The following GCN1 variants were observed in gnomAD, a reference collection of about 807,000 sequenced individuals.
GCN1 encodes GCN1 activator of EIF2AK4.
A neutral mutation model predicts 288.4 loss-of-function variants in GCN1; 90 were observed. That is an observed-to-expected ratio of 0.31 (90% confidence interval 0.26 to 0.37). The LOEUF is 0.37. Ranked by LOEUF, GCN1 falls within the 10% of genes least tolerant of loss-of-function variation. The pLI, the probability that GCN1 is intolerant of heterozygous loss-of-function variation, is 1.00. For synonymous variants in GCN1, 1,386 were observed against 1,420.2 expected, an observed-to-expected ratio of 0.98 and a Z score of 0.54; for missense variants, 2,586 against 3,419.9, an observed-to-expected ratio of 0.76 and a Z score of 6.08.
chr12:120,148,116 C>T, intron 37 of GCN1, 51 bp downstream of exon 37: 2 of 1,379,840 alleles, frequency 1.4e-6, no homozygotes, highest in Non-Finnish European at 2.0e-6. Flanking sequence ...TGTCCAAAGG[C>T]TGCGGCGTTG....
chr12:120,134,735 G>A lies in GCN1; in HGVS notation c.7009-9C>T, dbSNP rs754311283. Reference sequence around the variant, plus strand: ...TTCAGGGCAATCCCAACCTGTGGGAGGAACCCACATCCATGAAAGACAGTT... The same window carrying A: ...TTCAGGGCAATCCCAACCTGTGGGAAGAACCCACATCCATGAAAGACAGTT... On this transcript the variant is annotated splice_polypyrimidine_tract_variant and intron_variant, in intron 51 of 57. Coordinates refer to ENST00000300648, the MANE Select transcript of GCN1 (RefSeq NM_006836.2). This position sits in a 1 kb window ranked among gnomAD's most constrained non-coding sequence, Gnocchi z 5.0. 1.9e-6 allele frequency: 3 copies of A among 1,610,206 alleles called. No individual in the cohort carries two copies. The highest frequency in any genetic ancestry group is 2.2e-5 in the South Asian group (2 of 90,954).
chr12:120,166,896 C>A (rs1840169852), intron 16 of GCN1, among the ~76,000 whole-genome samples: 1 of 151,610 alleles, frequency 6.6e-6, no homozygotes. Flanking sequence ...CACCTGTAGT[C>A]CCAGCTACTC....
Position 120,134,112 on chromosome 12 carries a change from G to GC in GCN1, c.7317+178dup, listed in dbSNP as rs967028249. 6.6e-6 allele frequency among the ~76,000 whole-genome samples: 1 copy of GC among 152,130 alleles called. No homozygotes were observed. ...AATAACCAATATATCCACAATACCT[G>GC]CCCCGTTTCCCTTGAAACCCGAGGA... is the stretch of plus-strand genomic sequence containing the variant. On this transcript the variant is annotated intron_variant, in intron 53 of 57. Transcript: ENST00000300648. This position sits in a 1 kb window ranked among gnomAD's most constrained non-coding sequence, Gnocchi z 5.0.
chr12:120,176,511 G>A (rs1055653062), intron 9 of GCN1, among the ~76,000 whole-genome samples: 2 of 152,206 alleles, frequency 1.3e-5, no homozygotes, highest in Non-Finnish European at 2.9e-5. Flanking sequence ...AGTCCAGAAT[G>A]TCTACAGAGG....
chr12:120,138,009 A>T lies in GCN1; in HGVS notation c.6285T>A (p.Ala2095=). The part of the protein sequence containing the change: ...TTPPVNTRVL[A]FLSSVAGDAL... ...CATCACCAGCCACTGACGAAAGGAAAGCCAGCACCCGGGTGTTGACAGGTG... is the reference window on the plus strand; with the variant it reads ...CATCACCAGCCACTGACGAAAGGAATGCCAGCACCCGGGTGTTGACAGGTG... The change falls in exon 48 of 58, where the codon GCT becomes GCA. Residue 2095 remains alanine, a synonymous_variant. Transcript: ENST00000300648. The T allele has an allele frequency of 1.1e-5, 17 of 1,614,042 alleles. No individual in the cohort carries two copies. Among genetic ancestry groups the T allele is most frequent in the Non-Finnish European group, 1.4e-5 (16 of 1,179,972 alleles).
rs1274185385 is a variant in GCN1 at position 120,183,609 on chromosome 12, G to A, written c.386C>T (p.Pro129Leu). The A allele has an allele frequency of 6.2e-7, 1 of 1,613,460 alleles. No homozygotes were observed. Among genetic ancestry groups the A allele is most frequent in the Non-Finnish European group, 8.5e-7 (1 of 1,179,482 alleles). Reference protein sequence around the residue: ...WTCLLVRIVFPSRAKRQGDIW... With the variant: ...WTCLLVRIVFLSRAKRQGDIW... ...GTCTCCTTGTCGCTTGGCTCTCGAT[G>A]GAAAGACAATGCGCACCAGGAGGCA... Residue 129 changes from proline to leucine, a missense_variant, in exon 5 of 58, where the codon CCA becomes CTA. Physicochemically the swap from Pro to Leu is moderately conservative, Grantham distance 98. Coordinates refer to ENST00000300648, the MANE Select transcript of GCN1 (RefSeq NM_006836.2).
chr12:120,145,344 G>T lies in GCN1; in HGVS notation c.4948-14C>A. On this transcript the variant is annotated splice_polypyrimidine_tract_variant and intron_variant, in intron 38 of 57. Transcript: ENST00000300648. ...CGGAGCCAAGTCCTGCAACAACACA[G>T]GAGGCGGCTCAGGTGAGGCCCGACT... 1 of 1,560,022 alleles carries T rather than the reference G, an allele frequency of 6.4e-7. No individual in the cohort carries two copies.
In GCN1 at chr12:120,181,685, C is replaced by T. The variant is rs906941543; in HGVS notation, c.426+1884G>A. Among the ~76,000 whole-genome samples the T allele has an allele frequency of 1.1e-4, 16 of 150,928 alleles. No homozygotes were observed. In the South Asian group the frequency reaches 1.3e-3, roughly 12 times the overall value. On this transcript the variant is annotated intron_variant, in intron 5 of 57. Coordinates refer to ENST00000300648, the MANE Select transcript of GCN1 (RefSeq NM_006836.2). ...AGAAACCCCGTCTCTAGTAAAAATACAAAACTAGTCGGGCATGGTGGCACA... is the reference window on the plus strand; with the variant it reads ...AGAAACCCCGTCTCTAGTAAAAATATAAAACTAGTCGGGCATGGTGGCACA...
chr12:120,154,702 A>C (rs925702850), intron 31 of GCN1, among the ~76,000 whole-genome samples: 1 of 152,242 alleles, frequency 6.6e-6, no homozygotes, highest in African/African-American at 2.4e-5. Flanking sequence ...TAATTGATTT[A>C]ACTTTAGCCA....
At chr12:120,163,550 A>G (rs1175733395) in intron 18 of GCN1, among the ~76,000 whole-genome samples, 3 of 152,184 alleles carry the variant, frequency 2.0e-5, no homozygotes, top group African/African-American at 4.8e-5. Context: ...ACTGGCCCAC[A>G]TTCCTCAACA....
Position 120,138,034 on chromosome 12 carries a change from G to A in GCN1, c.6260C>T (p.Pro2087Leu). The change falls in exon 48 of 58, where the codon CCA becomes CTA. Residue 2087 changes from proline (P) to leucine (L), a missense_variant. Around this residue, in one of 8 missense-constraint regions of GCN1, gnomAD observed 437 missense variants for 570.5 expected, o/e 0.77. Coordinates refer to ENST00000300648, the MANE Select transcript of GCN1 (RefSeq NM_006836.2). ...LPYLVPKLTT[P>L]PVNTRVLAFL... ...AGCCAGCACCCGGGTGTTGACAGGT[G>A]GCGTTGTCAGCTGGTGGAATGACAA... The A allele has an allele frequency of 6.2e-7, 1 of 1,612,844 alleles. No individual in the cohort carries two copies. The highest frequency in any genetic ancestry group is 8.5e-7 in the Non-Finnish European group (1 of 1,179,438).
intron 20 of GCN1, among the ~76,000 whole-genome samples, chr12:120,162,453 A>G (rs892861204): frequency 6.6e-6 from 1 of 152,220 alleles, no homozygotes; most frequent in Admixed American, 6.5e-5. Flanking sequence ...TATGCAAGCT[A>G]TTCCCCTAGG....
Position 120,177,474 on chromosome 12 carries a change from G to A in GCN1, c.811C>T (p.Leu271=). The part of the protein sequence containing the change: ...LILPTIQKSL[L]RSPENVIETI... ...TCAATAACATTCTCTGGACTCCTCA[G>A]TAAGGACTTCTGTATGGTGGGCAGT... is the stretch of plus-strand genomic sequence containing the variant. The change falls in exon 9 of 58, where the codon CTG becomes TTG. Residue 271 remains leucine (L), a synonymous_variant. Transcript: ENST00000300648. 1 of 1,601,342 alleles carries A rather than the reference G, an allele frequency of 6.2e-7. No individual in the cohort carries two copies. The highest frequency in any genetic ancestry group is 1.1e-5 in the South Asian group (1 of 90,830).
intron 53 of GCN1, among the ~76,000 whole-genome samples, chr12:120,132,515 C>A (rs1338724856): frequency 4.6e-5 from 7 of 152,088 alleles, no homozygotes; most frequent in African/African-American, 1.7e-4. Flanking sequence ...CAGAATGACT[C>A]CTGCTATCTC....
intron 53 of GCN1, among the ~76,000 whole-genome samples, chr12:120,132,458 G>T (rs1315210149): frequency 1.3e-5 from 2 of 152,162 alleles, no homozygotes; most frequent in African/African-American, 2.4e-5. Flanking sequence ...GCTAGAGACG[G>T]CCACTCTGAG....
chr12:120,137,638 C>G lies in GCN1; in HGVS notation c.6570G>C (p.Leu2190=), dbSNP rs770293477. The G allele has an allele frequency of 6.2e-7, 1 of 1,614,122 alleles. No homozygotes were observed. Among genetic ancestry groups the G allele is most frequent in the Admixed American group, 1.7e-5 (1 of 60,016 alleles). The part of the protein sequence containing the change: ...SRSKADYTSH[L]RSLVSGLIRL... Reference sequence around the variant, plus strand: ...GGATCAGGCCCGAGACCAGGCTCCGCAGGTGGCTGGTGTAGTCAGCCTTTG... The same window carrying G: ...GGATCAGGCCCGAGACCAGGCTCCGGAGGTGGCTGGTGTAGTCAGCCTTTG... The change falls in exon 49 of 58, where the codon CTG becomes CTC. Residue 2190 remains leucine (L), a synonymous_variant. Transcript: ENST00000300648. This position sits in a 1 kb window ranked among gnomAD's most constrained non-coding sequence, Gnocchi z 5.2.
At chr12:120,178,826 C>T (rs1167670827) in intron 6 of GCN1, 26 bp downstream of exon 6, 2 of 1,612,704 alleles carry the variant, frequency 1.2e-6, no homozygotes, top group Non-Finnish European at 8.5e-7. Context: ...AGAAGCAATG[C>T]CCACCAGCCC....
At chr12:120,182,465 A>G (rs1331811667) in intron 5 of GCN1, among the ~76,000 whole-genome samples, 1 of 152,218 alleles carries the variant, frequency 6.6e-6, no homozygotes, top group Admixed American at 6.5e-5. Flanking sequence ...AAGGCCGGTC[A>G]TCACTGGCAC....
Position 120,156,460 on chromosome 12 carries a change from C to T in GCN1, c.3312+1G>A. On this transcript the variant is annotated splice_donor_variant, in intron 28 of 57. Coordinates refer to ENST00000300648, the MANE Select transcript of GCN1 (RefSeq NM_006836.2). LOFTEE classifies it high-confidence loss of function. This position sits in a 1 kb window ranked among gnomAD's most constrained non-coding sequence, Gnocchi z 5.8. Reference sequence around the variant, plus strand: ...CAGTGGCTCTGAGACTGAGCACACACCCGGAGCACGGTTTCCCGCACGCTG... The same window carrying T: ...CAGTGGCTCTGAGACTGAGCACACATCCGGAGCACGGTTTCCCGCACGCTG... The T allele has an allele frequency of 6.2e-7, 1 of 1,613,536 alleles. No homozygotes were observed. The highest frequency in any genetic ancestry group is 8.5e-7 in the Non-Finnish European group (1 of 1,179,886).
Sources: gnomAD v4.1 joint callset for allele counts (sites outside exome capture counted in the v4.1 genomes callset) on GRCh38, gnomAD v4.1.1 for gene constraint, gnomAD v4.1.1 regional missense constraint, Gnocchi (gnomAD v3.1) non-coding constraint, MANE v1.5 for transcripts, NCBI Gene and HGNC (gene_info 2026-07-23, HGNC 2026-07-21) for gene names.